The following ASPSCR1 variants were observed in gnomAD, a reference collection of about 807,000 sequenced individuals.
ASPSCR1 encodes ASPSCR1 tether for SLC2A4, UBX domain containing.
A neutral mutation model predicts 68.9 loss-of-function variants in ASPSCR1; 55 were observed. That is an observed-to-expected ratio of 0.80 (90% CI 0.64 to 1.00). The LOEUF (loss-of-function observed/expected upper bound fraction) is 1.00. Ranked by LOEUF, ASPSCR1 falls within the 50% of genes least tolerant of loss-of-function variation. The pLI, the probability that ASPSCR1 is intolerant of heterozygous loss-of-function variation, is 0.00. For missense variants in ASPSCR1, 765 were observed against 762.2 expected, an observed-to-expected ratio of 1.00 and a Z score of -0.04; for synonymous variants, 352 against 332.6, an observed-to-expected ratio of 1.06 and a Z score of -0.63.
rs918649267 is a variant in ASPSCR1, at chr17:81,987,226, G to A, written c.374+1619G>A. On this transcript the variant is annotated intron_variant, in intron 4 of 15. Transcript: ENST00000306739. This position sits in a 1 kb window ranked among gnomAD's most constrained non-coding sequence, Gnocchi z 5.6. ...GAGCCTGAGAGCAAAGCGAAGCCAC[G>A]GGCAGGGGTGAGCGGGACCCGAGCC... Among the ~76,000 whole-genome samples, 3 of 152,200 alleles carry A rather than the reference G, an allele frequency of 2.0e-5. No individual in the cohort carries two copies. The highest frequency in any genetic ancestry group is 1.9e-4 in the East Asian group (1 of 5,158).
intron 7 of ASPSCR1, among the ~76,000 whole-genome samples, chr17:81,998,827 C>T (rs2042438088): frequency 6.6e-6 from 1 of 152,268 alleles, no homozygotes; most frequent in African/African-American, 2.4e-5. Flanking sequence ...GGCCACTGCT[C>T]ACTGCAGACT....
At chr17:81,996,284 C>T (rs976568111) in intron 6 of ASPSCR1, 136 bp from the exon 7 acceptor site, 20 of 1,410,270 alleles carry the variant, frequency 1.4e-5, no homozygotes, top group Middle Eastern at 2.5e-4. Context: ...CTTGGGAGGG[C>T]GCATGGGGCA....
intron 9 of ASPSCR1, among the ~76,000 whole-genome samples, chr17:82,010,251 C>A (rs558639276): frequency 6.8e-6 from 1 of 147,442 alleles, no homozygotes; most frequent in Non-Finnish European, 1.5e-5. Flanking sequence ...ACATTTGAGC[C>A]GGGCGTGGTG....
chr17:82,011,282 A>G (rs2042928942), intron 10 of ASPSCR1, among the ~76,000 whole-genome samples: 1 of 85,634 alleles, frequency 1.2e-5, no homozygotes, highest in South Asian at 4.4e-4. Flanking sequence ...GGGAAAGGGA[A>G]GCGCTTAGGC....
rs1197461713 is a variant in ASPSCR1 at position 81,986,570 on chromosome 17, C to A, written c.374+963C>A. ...ATCGTTGGCTGGAAGTCTCTGTCCA[C>A]AGTAAAAGGCTCAGCAGAATGGAAG... On this transcript the variant is annotated intron_variant, in intron 4 of 15. Transcript: ENST00000306739. This position sits in a 1 kb window ranked among gnomAD's most constrained non-coding sequence, Gnocchi z 5.2. 1.3e-5 allele frequency among the ~76,000 whole-genome samples: 2 copies of A among 152,224 alleles called. No individual in the cohort carries two copies. The highest frequency in any genetic ancestry group is 4.8e-5 in the African/African-American group (2 of 41,458).
chr17:82,001,906 C>G (rs893131679), intron 7 of ASPSCR1, among the ~76,000 whole-genome samples: 2 of 152,124 alleles, frequency 1.3e-5, no homozygotes, highest in African/African-American at 4.8e-5. Context: ...CCTGCCACAC[C>G]GTAACGTGCC....
intron 1 of ASPSCR1, chr17:81,978,525 C>CAA (rs545803667): frequency 0.055 from 6,129 of 111,616 alleles, 198 homozygotes; most frequent in African/African-American, 0.1. Flanking sequence ...GACTCCATAT[C>CAA]AAAAAAAAAA....
chr17:81,983,652 A>G lies in ASPSCR1; in HGVS notation c.257A>G (p.Glu86Gly). The G allele has an allele frequency of 3.1e-6, 5 of 1,609,416 alleles. No homozygotes were observed. ...ATGGTGCCCGCTTCCCGGAGCCGTGAGGGGCCTGAGAACATGGTGGGTCGT... is the reference window on the plus strand; with the variant it reads ...ATGGTGCCCGCTTCCCGGAGCCGTGGGGGGCCTGAGAACATGGTGGGTCGT... Reference protein sequence around the residue: ...LEMVPASRSREGPENMVRIAL... With the variant: ...LEMVPASRSRGGPENMVRIAL... The change falls in exon 3 of 16, where the codon GAG becomes GGG. Residue 86 changes from glutamate to glycine, a missense_variant. By Grantham distance (98) the Glu-to-Gly change is moderately conservative. Coordinates refer to ENST00000306739, the MANE Select transcript of ASPSCR1 (RefSeq NM_024083.4). This position sits in a 1 kb window ranked among gnomAD's most constrained non-coding sequence, Gnocchi z 4.4.
chr17:82,003,522 C>T (rs554771735), intron 7 of ASPSCR1, among the ~76,000 whole-genome samples: 9 of 152,358 alleles, frequency 5.9e-5, no homozygotes, highest in South Asian at 2.1e-4. Flanking sequence ...CTGGCAGGCC[C>T]GGGCCATGAG....
At chr17:81,995,002 G>A (rs767531415) in intron 5 of ASPSCR1, 124 bp downstream of exon 5, 17 of 1,100,300 alleles carry the variant, frequency 1.5e-5, no homozygotes, top group Admixed American at 5.5e-5. Context: ...TTGAAAGCAC[G>A]ACGTGTTTCA....
At chr17:81,993,064 A>C (rs564070802) in intron 4 of ASPSCR1, among the ~76,000 whole-genome samples, 3 of 152,246 alleles carry the variant, frequency 2.0e-5, no homozygotes, top group South Asian at 4.1e-4. Flanking sequence ...AATAAAGGCC[A>C]CGAAACAAAA....
Position 81,990,917 on chromosome 17 carries a change from G to C in ASPSCR1, c.375-3904G>C, listed in dbSNP as rs1002095075. ...TAGCACGTCTGGGCAGTCCACGAGG[G>C]CAGGCGGGCGAGTCCCGTAGTTTGA... On this transcript the variant is annotated intron_variant, in intron 4 of 15. Transcript: ENST00000306739. The surrounding 1 kb of genome is among the most constrained non-coding windows in gnomAD (Gnocchi z 4.1). Among the ~76,000 whole-genome samples, 1 of 152,162 alleles carries C rather than the reference G, an allele frequency of 6.6e-6. No individual in the cohort carries two copies. The highest frequency in any genetic ancestry group is 2.4e-5 in the African/African-American group (1 of 41,430).
Position 81,983,732 on chromosome 17 carries a change from G to A in ASPSCR1, c.273+64G>A, listed in dbSNP as rs142278915. 462 of 1,379,776 alleles carry A rather than the reference G, an allele frequency of 3.3e-4. No homozygotes were observed. The highest frequency in any genetic ancestry group is 3.8e-4 in the Non-Finnish European group (380 of 992,626). The allele number at this position is 1,379,776 out of a possible 1,614,324, so 85.5% of individuals were successfully genotyped here. A position where few individuals can be genotyped will look rare whatever the true frequency, so the allele number is the denominator to read the frequency against. On this transcript the variant is annotated intron_variant, in intron 3 of 15. Transcript: ENST00000306739. This position sits in a 1 kb window ranked among gnomAD's most constrained non-coding sequence, Gnocchi z 4.4. ...CAGGATCGTTCAGCTGGCCAGGGAC[G>A]GGGGACGGGACAGTGGGGGGTGCTG...
intron 4 of ASPSCR1, among the ~76,000 whole-genome samples, chr17:81,992,547 G>A (rs915767579): frequency 1.3e-5 from 2 of 152,180 alleles, no homozygotes; most frequent in Admixed American, 6.5e-5. Flanking sequence ...CTCCCCAGCC[G>A]TAGAGAAGTG....
At position 82,016,346 on chromosome 17, in the gene ASPSCR1, T is replaced by C. The variant is rs570328220; in HGVS notation, c.1354-130T>C. 3 of 809,592 alleles carry C rather than the reference T, an allele frequency of 3.7e-6. No homozygotes were observed. In the African/African-American group the frequency reaches 5.2e-5, roughly 14 times the overall value. 50.2% of individuals were successfully genotyped at this position (809,592 alleles called of 1,614,324 possible). ...TCAGACAGGAAGCTGGGCGATGGGCTCATGGGGGCCGGGCAGGCAGAGCCT... is the reference window on the plus strand; with the variant it reads ...TCAGACAGGAAGCTGGGCGATGGGCCCATGGGGGCCGGGCAGGCAGAGCCT... On this transcript the variant is annotated intron_variant, in intron 12 of 15. Transcript: ENST00000306739.
chr17:81,996,948 G>T (rs530741980), intron 7 of ASPSCR1, 102 bp downstream of exon 7: 2 of 1,507,174 alleles, frequency 1.3e-6, no homozygotes, highest in Non-Finnish European at 1.8e-6. Flanking sequence ...GCCGTGATGC[G>T]GGCAGAGGAA....
At chr17:82,012,716 CT>C (rs1165321378) in intron 12 of ASPSCR1, among the ~76,000 whole-genome samples, 3 of 152,192 alleles carry the variant, frequency 2.0e-5, no homozygotes, top group Non-Finnish European at 4.4e-5. Context: ...CCCCTTCCCC[CT>C]GCCCGGCCTC....
chr17:82,008,904 G>T (rs577836707), intron 7 of ASPSCR1, 133 bp from the exon 8 acceptor site: 2 of 1,278,158 alleles, frequency 1.6e-6, no homozygotes, highest in East Asian at 5.7e-5. Flanking sequence ...TTGGCCCTGC[G>T]CTGGCCGGGG....
Position 81,996,068 on chromosome 17 carries a change from A to G in ASPSCR1, c.506+3A>G, listed in dbSNP as rs2042326050. On this transcript the variant is annotated splice_donor_region_variant and intron_variant, in intron 6 of 15. Coordinates refer to ENST00000306739, the MANE Select transcript of ASPSCR1 (RefSeq NM_024083.4). ...ACCGGGGGCAGCGCCACCATCAGGT[A>G]AGGGCAGTGCTGCTGGGGCCGAGGA... 2 of 1,606,502 alleles carry G rather than the reference A, an allele frequency of 1.2e-6. No homozygotes were observed. Among genetic ancestry groups the G allele is most frequent in the African/African-American group, 1.3e-5 (1 of 74,764 alleles).
Sources: allele counts gnomAD v4.1 joint callset (sites outside exome capture counted in the v4.1 genomes callset), GRCh38; gene constraint gnomAD v4.1.1; non-coding constraint Gnocchi (gnomAD v3.1); transcripts MANE v1.5; gene names NCBI Gene and HGNC (gene_info 2026-07-23, HGNC 2026-07-21).